The following NKX6-2 variants were observed in gnomAD, a reference collection of about 807,000 sequenced individuals.
NKX6-2 encodes NK6 homeobox 2, also known as homeobox protein Nkx-6.2.
In NKX6-2, 22 loss-of-function variants were observed where a neutral mutation model predicts 19.9. The ratio of observed to expected loss-of-function variants is 1.10; its 90% confidence interval spans 0.79 to 1.58. The LOEUF (loss-of-function observed/expected upper bound fraction) is 1.58, where lower values mean the gene tolerates loss of function less well. Ranked by LOEUF, NKX6-2 falls within the 40% of genes most tolerant of loss-of-function variation. The pLI, the probability that NKX6-2 is intolerant of heterozygous loss-of-function variation, is 0.00. For missense variants in NKX6-2, 475 were observed against 410.6 expected (o/e 1.16, Z -1.35); for synonymous variants, 257 against 204.0 (o/e 1.26, Z -2.21).
In NKX6-2 at chr10:132,785,395, A is replaced by AAGGTC; in HGVS notation, c.459_463dup (p.Phe155Ter). The AAGGTC allele has an allele frequency of 6.2e-7, 1 of 1,603,052 alleles. No individual in the cohort carries two copies. The highest frequency in any genetic ancestry group is 8.5e-7 in the Non-Finnish European group (1 of 1,176,424). ...CAGCGCGAAGATCTGCTGGCCCGAG[A>AAGGTC]AGGTCGGGCGCGAGTGCTTCTTCTT... On this transcript the variant is annotated stop_gained and frameshift_variant, in exon 2 of 3. Coordinates refer to ENST00000368592, the MANE Select transcript of NKX6-2 (RefSeq NM_177400.3). LOFTEE classifies it high-confidence loss of function. This position sits in a 1 kb window ranked among gnomAD's most constrained non-coding sequence, Gnocchi z 5.5.
Position 132,785,817 on chromosome 10 carries a change from C to T in NKX6-2, c.132G>A (p.Ala44=). 7.2e-7 allele frequency: 1 copy of T among 1,381,302 alleles called. No individual in the cohort carries two copies. The highest frequency in any genetic ancestry group is 9.4e-7 in the Non-Finnish European group (1 of 1,064,160). 85.6% of individuals were successfully genotyped at this position (1,381,302 alleles called of 1,614,324 possible). A position where few individuals can be genotyped will look rare whatever the true frequency, so the allele number is the denominator to read the frequency against. ...LQGPAGFKAP[A]LGGLGAQLPL... The stretch of plus-strand genomic sequence containing the variant: ...GGAGCTGCGCGCCCAGGCCCCCCAG[C>T]GCGGGCGCCTTGAAGCCGGCCGGAC... The change falls in exon 1 of 3, where the codon GCG becomes GCA. Residue 44 remains alanine, a synonymous_variant. Transcript: ENST00000368592. This position sits in a 1 kb window ranked among gnomAD's most constrained non-coding sequence, Gnocchi z 5.5.
Position 132,784,905 on chromosome 10 carries a change from C to T in NKX6-2, c.*11G>A, listed in dbSNP as rs774871835. The T allele has an allele frequency of 1.9e-6, 3 of 1,609,018 alleles. No homozygotes were observed. Among genetic ancestry groups the T allele is most frequent in the Admixed American group, 1.7e-5 (1 of 59,874 alleles). On this transcript the variant is annotated 3_prime_UTR_variant, in exon 3 of 3. Transcript: ENST00000368592. Reference sequence around the variant, plus strand: ...TCTGCAAAAATAGATTCGCCCCCACCCCGCGGGTCCTCACAAGGCGTCCCC... The same window carrying T: ...TCTGCAAAAATAGATTCGCCCCCACTCCGCGGGTCCTCACAAGGCGTCCCC...
At position 132,783,330 on chromosome 10, in the gene NKX6-2, G is replaced by A. The variant is rs972613477; in HGVS notation, c.*1586C>T. 6.6e-6 allele frequency: 1 copy of A among 152,424 alleles called. No homozygotes were observed. The highest frequency in any genetic ancestry group is 2.4e-5 in the African/African-American group (1 of 41,464). The allele number at this position is 152,424 out of a possible 1,614,324, so 9.4% of individuals were successfully genotyped here. A position where few individuals can be genotyped will look rare whatever the true frequency, so the allele number is the denominator to read the frequency against. On this transcript the variant is annotated 3_prime_UTR_variant, in exon 3 of 3. Transcript: ENST00000368592. Reference sequence around the variant, plus strand: ...TCCGCTGCGGAATCTGTTCTTGGTGGAAGCACAGGTCCGTGTCGCTGCTGT... The same window carrying A: ...TCCGCTGCGGAATCTGTTCTTGGTGAAAGCACAGGTCCGTGTCGCTGCTGT...
rs985356866 is a variant in NKX6-2 at position 132,784,557 on chromosome 10, C to T, written c.*359G>A. 1 of 205,552 alleles carries T rather than the reference C, an allele frequency of 4.9e-6. No individual in the cohort carries two copies. Among genetic ancestry groups the T allele is most frequent in the East Asian group, 1.2e-4 (1 of 8,352 alleles). The allele number at this position is 205,552 out of a possible 1,614,324, so 12.7% of individuals were successfully genotyped here. A position where few individuals can be genotyped will look rare whatever the true frequency, so the allele number is the denominator to read the frequency against. On this transcript the variant is annotated 3_prime_UTR_variant, in exon 3 of 3. Transcript: ENST00000368592. ...CGCCCCGAGGCGAGGCGGGCCGGGC[C>T]GTACCTGCTGCTCCGTCCCCGGCTC... is the stretch of plus-strand genomic sequence containing the variant.
chr10:132,785,821 G>C lies in NKX6-2; in HGVS notation c.128C>G (p.Pro43Arg), dbSNP rs1259959581. The C allele has an allele frequency of 1.4e-6, 2 of 1,382,142 alleles. No homozygotes were observed. Among genetic ancestry groups the C allele is most frequent in the Non-Finnish European group, 1.9e-6 (2 of 1,065,712 alleles). The allele number at this position is 1,382,142 out of a possible 1,614,324, so 85.6% of individuals were successfully genotyped here. A position where few individuals can be genotyped will look rare whatever the true frequency, so the allele number is the denominator to read the frequency against. The change falls in exon 1 of 3, where the codon CCC becomes CGC. Residue 43 changes from proline (P) to arginine (R), a missense_variant. Physicochemically the swap from Pro to Arg is moderately radical, Grantham distance 103 (BLOSUM62 -2). Transcript: ENST00000368592. The surrounding 1 kb of genome is among the most constrained non-coding windows in gnomAD (Gnocchi z 5.5). ...ALQGPAGFKA[P>R]ALGGLGAQLP... ...CTGCGCGCCCAGGCCCCCCAGCGCGGGCGCCTTGAAGCCGGCCGGACCCTG... is the reference window on the plus strand; with the variant it reads ...CTGCGCGCCCAGGCCCCCCAGCGCGCGCGCCTTGAAGCCGGCCGGACCCTG...
At position 132,785,008 on chromosome 10, in the gene NKX6-2, C is replaced by T. The variant is rs752392318; in HGVS notation, c.742G>A (p.Asp248Asn). The change falls in exon 3 of 3, where the codon GAC (aspartate) becomes AAC (asparagine). Residue 248 changes from aspartate (D) to asparagine (N), a missense_variant. Asp to Asn is a conservative substitution (Grantham distance 23). Coordinates refer to ENST00000368592, the MANE Select transcript of NKX6-2 (RefSeq NM_177400.3). This position sits in a 1 kb window ranked among gnomAD's most constrained non-coding sequence, Gnocchi z 5.5. ...YNRPLDPNSD[D>N]EKITRLLKKH... ...TTGAGCAGCCGCGTGATCTTCTCGT[C>T]GTCCGAGTTGGGGTCCAGGGGCCGG... 8 of 1,611,740 alleles carry T rather than the reference C, an allele frequency of 5.0e-6. No individual in the cohort carries two copies. The South Asian group carries it at 5.5e-5, about 11-fold the overall frequency.
In NKX6-2 at chr10:132,783,755, C is replaced by T. The variant is rs1299354504; in HGVS notation, c.*1161G>A. On this transcript the variant is annotated 3_prime_UTR_variant, in exon 3 of 3. Transcript: ENST00000368592. Reference sequence around the variant, plus strand: ...CCTTCCTCAAAACTTTAAGAAGCCCCTCTGCTCTGAGCTGAGAGGGGCTCC... The same window carrying T: ...CCTTCCTCAAAACTTTAAGAAGCCCTTCTGCTCTGAGCTGAGAGGGGCTCC... 7.0e-6 allele frequency: 1 copy of T among 142,240 alleles called. No individual in the cohort carries two copies. Among genetic ancestry groups the T allele is most frequent in the East Asian group, 2.2e-4 (1 of 4,646 alleles). The allele number at this position is 142,240 out of a possible 1,614,324, so 8.8% of individuals were successfully genotyped here.
In NKX6-2 at chr10:132,785,774, C is replaced by A. The variant is rs563679091; in HGVS notation, c.175G>T (p.Gly59Cys). 1.2e-5 allele frequency: 15 copies of A among 1,303,142 alleles called. No individual in the cohort carries two copies. The South Asian group carries it at 1.5e-4, about 13-fold the overall frequency. 80.7% of individuals were successfully genotyped at this position (1,303,142 alleles called of 1,614,324 possible). A position where few individuals can be genotyped will look rare whatever the true frequency, so the allele number is the denominator to read the frequency against. The change falls in exon 1 of 3, where the codon GGC becomes TGC. Residue 59 changes from glycine (G) to cysteine (C), a missense_variant. Transcript: ENST00000368592. The surrounding 1 kb of genome is among the most constrained non-coding windows in gnomAD (Gnocchi z 5.5). Reference sequence around the variant, plus strand: ...GGCCGGCCCAGGATGTCGCTGATGCCGTGCGGGGTCCCGAGCGGGAGCTGC... The same window carrying A: ...GGCCGGCCCAGGATGTCGCTGATGCAGTGCGGGGTCCCGAGCGGGAGCTGC... ...GAQLPLGTPH[G>C]ISDILGRPVG...
Position 132,783,752 on chromosome 10 carries a change from C to T in NKX6-2, c.*1164G>A, listed in dbSNP as rs933389377. 7.0e-6 allele frequency: 1 copy of T among 143,126 alleles called. No individual in the cohort carries two copies. Among genetic ancestry groups the T allele is most frequent in the Non-Finnish European group, 1.6e-5 (1 of 63,178 alleles). The allele number at this position is 143,126 out of a possible 1,614,324, so 8.9% of individuals were successfully genotyped here. On this transcript the variant is annotated 3_prime_UTR_variant, in exon 3 of 3. Coordinates refer to ENST00000368592, the MANE Select transcript of NKX6-2 (RefSeq NM_177400.3). ...TTGCCTTCCTCAAAACTTTAAGAAG[C>T]CCCTCTGCTCTGAGCTGAGAGGGGC...
In NKX6-2 at chr10:132,784,843, C is replaced by T. The variant is rs562201621; in HGVS notation, c.*73G>A. 17 of 1,172,330 alleles carry T rather than the reference C, an allele frequency of 1.5e-5. No individual in the cohort carries two copies. In the African/African-American group the frequency reaches 2.1e-4, roughly 15 times the overall value. 72.6% of individuals were successfully genotyped at this position (1,172,330 alleles called of 1,614,324 possible). ...CCCGTTAAATAATTTATTGATGATA[C>T]AAAGCGACTCGCGCCCACCCGGGGC... On this transcript the variant is annotated 3_prime_UTR_variant, in exon 3 of 3. Transcript: ENST00000368592.
Position 132,785,252 on chromosome 10 carries a change from C to G in NKX6-2, c.579+28G>C. The G allele has an allele frequency of 6.3e-7, 1 of 1,595,640 alleles. No homozygotes were observed. The highest frequency in any genetic ancestry group is 8.5e-7 in the Non-Finnish European group (1 of 1,172,360). The stretch of plus-strand genomic sequence containing the variant: ...GTTCGCAGGACGCGGGCCCCCGGCT[C>G]TGCTCTCCCGAGCCCCGCCGCGCTC... On this transcript the variant is annotated intron_variant, in intron 2 of 2. Coordinates refer to ENST00000368592, the MANE Select transcript of NKX6-2 (RefSeq NM_177400.3). This position sits in a 1 kb window ranked among gnomAD's most constrained non-coding sequence, Gnocchi z 5.5.
Position 132,785,519 on chromosome 10 carries a change from G to A in NKX6-2, c.406+24C>T, listed in dbSNP as rs1395001078. 3.9e-6 allele frequency: 5 copies of A among 1,289,298 alleles called. No homozygotes were observed. The South Asian group carries it at 6.8e-5, about 17-fold the overall frequency. The allele number at this position is 1,289,298 out of a possible 1,614,324, so 79.9% of individuals were successfully genotyped here. On this transcript the variant is annotated intron_variant, in intron 1 of 2. Transcript: ENST00000368592. This position sits in a 1 kb window ranked among gnomAD's most constrained non-coding sequence, Gnocchi z 5.5. ...GTCCCCCTCCGCGCCCACCCGCCCC[G>A]CACCCCCCGCGCGGGCCACTCACCC...
In NKX6-2 at chr10:132,785,524, C is replaced by T. The variant is rs1474367266; in HGVS notation, c.406+19G>A. ...CCTCCGCGCCCACCCGCCCCGCACC[C>T]CCCGCGCGGGCCACTCACCCGGGCC... On this transcript the variant is annotated intron_variant, in intron 1 of 2. Coordinates refer to ENST00000368592, the MANE Select transcript of NKX6-2 (RefSeq NM_177400.3). This position sits in a 1 kb window ranked among gnomAD's most constrained non-coding sequence, Gnocchi z 5.5. 2 of 1,386,534 alleles carry T rather than the reference C, an allele frequency of 1.4e-6. No homozygotes were observed. The highest frequency in any genetic ancestry group is 3.0e-5 in the East Asian group (1 of 33,470). 85.9% of individuals were successfully genotyped at this position (1,386,534 alleles called of 1,614,324 possible). A position where few individuals can be genotyped will look rare whatever the true frequency, so the allele number is the denominator to read the frequency against.
rs1377412844 is a variant in NKX6-2 at position 132,783,426 on chromosome 10, C to A, written c.*1490G>T. ...TCAGCTGTTGGTCGTTCTGAGGGGC[C>A]TTTGGAAGTGACCGGTCTGGTTCCT... On this transcript the variant is annotated 3_prime_UTR_variant, in exon 3 of 3. Coordinates refer to ENST00000368592, the MANE Select transcript of NKX6-2 (RefSeq NM_177400.3). 1 of 152,372 alleles carries A rather than the reference C, an allele frequency of 6.6e-6. No homozygotes were observed. Among genetic ancestry groups the A allele is most frequent in the Non-Finnish European group, 1.5e-5 (1 of 68,026 alleles). 9.4% of individuals were successfully genotyped at this position (152,372 alleles called of 1,614,324 possible).
Position 132,784,906 on chromosome 10 carries a change from C to G in NKX6-2, c.*10G>C, listed in dbSNP as rs1194913249. On this transcript the variant is annotated 3_prime_UTR_variant, in exon 3 of 3. Transcript: ENST00000368592. ...CTGCAAAAATAGATTCGCCCCCACC[C>G]CGCGGGTCCTCACAAGGCGTCCCCC... 3 of 1,609,432 alleles carry G rather than the reference C, an allele frequency of 1.9e-6. No homozygotes were observed. Among genetic ancestry groups the G allele is most frequent in the Non-Finnish European group, 2.5e-6 (3 of 1,177,826 alleles).
Sources: gnomAD v4.1 joint callset for allele counts on GRCh38, gnomAD v4.1.1 for gene constraint, Gnocchi (gnomAD v3.1) non-coding constraint, MANE v1.5 for transcripts, NCBI Gene and HGNC (gene_info 2026-07-23, HGNC 2026-07-21) for gene names.